Variants in COG5 observed in about 807,000 individuals in gnomAD.
The protein encoded by COG5 is component of oligomeric golgi complex 5.
A neutral mutation model predicts 110.4 loss-of-function variants in COG5; 86 were observed. The ratio of observed to expected loss-of-function variants is 0.78; its 90% CI spans 0.65 to 0.93. The LOEUF (loss-of-function observed/expected upper bound fraction) is 0.93. Among genes scored for constraint, COG5 ranks in the 40% least tolerant of loss-of-function variants. COG5 has a pLI of 0.00. For synonymous variants in COG5, 360 were observed against 334.6 expected, an observed-to-expected ratio of 1.08 and a Z score of -0.83; for missense variants, 1,077 against 987.0, an observed-to-expected ratio of 1.09 and a Z score of -1.22.
chr7:107,272,416 A>T (rs1041553425), intron 14 of COG5, among the ~76,000 whole-genome samples: 5 of 152,130 alleles, frequency 3.3e-5, no homozygotes, highest in Non-Finnish European at 5.9e-5. Flanking sequence ...ATGACTCCCT[A>T]AAATGTATAA....
intron 1 of COG5, 140 bp downstream of exon 1, chr7:107,563,663 A>AG (rs1804188327): frequency 1.2e-5 from 11 of 921,762 alleles, no homozygotes; most frequent in Non-Finnish European, 1.6e-5. Flanking sequence ...TACCCAAGCC[A>AG]GGGGGCCGGG....
chr7:107,310,161 C>T (rs1247284203), intron 11 of COG5, among the ~76,000 whole-genome samples: 1 of 152,140 alleles, frequency 6.6e-6, no homozygotes, highest in African/African-American at 2.4e-5. Flanking sequence ...TAGTTAATAT[C>T]ATGTGATTAA....
chr7:107,465,231 C>T (rs75787598), intron 6 of COG5, among the ~76,000 whole-genome samples: 131 of 152,204 alleles, frequency 8.6e-4, no homozygotes, highest in African/African-American at 3.1e-3. Context: ...ATGGAATTCA[C>T]ACAAAAAACT....
chr7:107,269,242 G>A (rs543214237), intron 14 of COG5, among the ~76,000 whole-genome samples: 9 of 152,188 alleles, frequency 5.9e-5, no homozygotes, highest in Non-Finnish European at 8.8e-5. Context: ...TTGGGAGGCC[G>A]AGGCGGGGGG....
rs564617334 is a variant in COG5 at position 107,437,854 on chromosome 7, C to T, written c.539-25222G>A. 7.3e-4 allele frequency among the ~76,000 whole-genome samples: 111 copies of T among 152,186 alleles called. 2 individuals carry two copies. The highest frequency in any genetic ancestry group is 2.5e-3 in the African/African-American group (105 of 41,534). ...TTCCCCTTGATCATAACTAACCAAACTATAATTTTGTTCATGGTAATAAGG... is the reference window on the plus strand; with the variant it reads ...TTCCCCTTGATCATAACTAACCAAATTATAATTTTGTTCATGGTAATAAGG... On this transcript the variant is annotated intron_variant, in intron 6 of 21. Coordinates refer to ENST00000297135, the MANE Select transcript of COG5 (RefSeq NM_006348.5).
chr7:107,367,577 C>A (rs1458513833), intron 8 of COG5, among the ~76,000 whole-genome samples: 1 of 151,910 alleles, frequency 6.6e-6, no homozygotes, highest in Non-Finnish European at 1.5e-5. Flanking sequence ...TATACACACA[C>A]ACACACACCA....
intron 6 of COG5, among the ~76,000 whole-genome samples, chr7:107,509,281 G>T (rs1219971256): frequency 1.3e-5 from 2 of 152,290 alleles, no homozygotes; most frequent in Non-Finnish European, 2.9e-5. Flanking sequence ...GCGATCAACT[G>T]GAAGAAAGGG....
chr7:107,338,220 G>A (rs1356347592), intron 10 of COG5, among the ~76,000 whole-genome samples: 4 of 151,978 alleles, frequency 2.6e-5, no homozygotes, highest in Non-Finnish European at 5.9e-5. Context: ...CAAAACTAGT[G>A]GTCTCATACA....
intron 3 of COG5, among the ~76,000 whole-genome samples, chr7:107,552,923 C>G (rs73419448): frequency 0.076 from 11,525 of 152,134 alleles, 558 homozygotes; most frequent in African/African-American, 0.14. Context: ...GGATACTACA[C>G]AGCCATAAAA....
chr7:107,311,203 G>C (rs991729408), intron 11 of COG5, among the ~76,000 whole-genome samples: 2 of 152,088 alleles, frequency 1.3e-5, no homozygotes, highest in African/African-American at 2.4e-5. Flanking sequence ...CCCTCCATAA[G>C]GTTTGTATGC....
chr7:107,261,334 C>G (rs1052447277), intron 14 of COG5, among the ~76,000 whole-genome samples: 3 of 152,104 alleles, frequency 2.0e-5, no homozygotes, highest in Non-Finnish European at 2.9e-5. Context: ...CTCTCTCTCT[C>G]TCTCAGATAC....
At chr7:107,406,549 C>A (rs968626225) in intron 7 of COG5, among the ~76,000 whole-genome samples, 5 of 151,856 alleles carry the variant, frequency 3.3e-5, no homozygotes, top group Non-Finnish European at 1.5e-5. Context: ...TAAAAATGTG[C>A]ACAAGACAAT....
intron 6 of COG5, among the ~76,000 whole-genome samples, chr7:107,414,743 T>TTTC (rs1554434310): frequency 1.7e-5 from 2 of 115,808 alleles, no homozygotes; most frequent in Non-Finnish European, 1.7e-5. Flanking sequence ...TTTTTTTTTT[T>TTTC]CCGAGACTCA....
At chr7:107,425,096 AT>A (rs898295338) in intron 6 of COG5, among the ~76,000 whole-genome samples, 34 of 152,232 alleles carry the variant, frequency 2.2e-4, no homozygotes, top group African/African-American at 7.9e-4. Context: ...GATACCATCC[AT>A]CCCCCACTTT....
chr7:107,301,217 T>G (rs1341503192), intron 11 of COG5, among the ~76,000 whole-genome samples: 2 of 152,126 alleles, frequency 1.3e-5, no homozygotes, highest in Non-Finnish European at 2.9e-5. Flanking sequence ...AGACATGATA[T>G]GAAACCAAGA....
intron 10 of COG5, among the ~76,000 whole-genome samples, chr7:107,354,194 C>T (rs1005514216): frequency 1.3e-5 from 2 of 152,092 alleles, no homozygotes; most frequent in African/African-American, 2.4e-5. Flanking sequence ...AGAGGAAATC[C>T]TTGACATTAG....
chr7:107,463,222 C>T (rs779412006), intron 6 of COG5, among the ~76,000 whole-genome samples: 1 of 152,330 alleles, frequency 6.6e-6, no homozygotes, highest in South Asian at 2.1e-4. Context: ...CTTCATGGAA[C>T]GCCAAAATGA....
intron 12 of COG5, among the ~76,000 whole-genome samples, chr7:107,291,149 C>T (rs1369310943): frequency 6.6e-6 from 1 of 152,144 alleles, no homozygotes; most frequent in East Asian, 1.9e-4. Context: ...TTTTTTTCTC[C>T]ATTACATCTC....
At chr7:107,501,177 G>C (rs1465928319) in intron 6 of COG5, among the ~76,000 whole-genome samples, 19 of 152,036 alleles carry the variant, frequency 1.2e-4, no homozygotes. Flanking sequence ...GAATAAGCCT[G>C]TAGTTCTGAG....
Sources: gnomAD v4.1 joint callset for allele counts (sites outside exome capture counted in the v4.1 genomes callset) on GRCh38, gnomAD v4.1.1 for gene constraint, MANE v1.5 for transcripts, NCBI Gene and HGNC (gene_info 2026-07-23, HGNC 2026-07-21) for gene names.